DNAJC6: variants seen among roughly 807,000 people sequenced by gnomAD.
The protein encoded by DNAJC6 is DnaJ heat shock protein family (Hsp40) member C6, also known as auxilin.
In DNAJC6, 34 loss-of-function variants were observed where a neutral mutation model predicts 110.0. The observed-to-expected ratio is 0.31, with a 90% CI of 0.24 to 0.41. DNAJC6 has a LOEUF of 0.41. DNAJC6 is among the 10% of genes least tolerant of loss of function. The probability of loss-of-function intolerance (pLI) is 1.00; values close to 1 mark genes in which losing one functional copy is unlikely to be tolerated. For synonymous variants in DNAJC6, 406 were observed against 437.2 expected, an observed-to-expected ratio of 0.93 and a Z score of 0.89; for missense variants, 1,031 against 1,207.8, an observed-to-expected ratio of 0.85 and a Z score of 2.17.
chr1:65,392,735 T>C lies in DNAJC6; in HGVS notation c.1773T>C (p.Ala591=), dbSNP rs533537319. ...ACCTGTTTGGGGGTGGAGGTGCAGC[T>C]GGTCCCACCCAGGCTGGACAGTCAG... ...LSDLFGGGGA[A]GPTQAGQSGV... is the part of the protein sequence containing the mutation. Residue 591 remains alanine (A), a synonymous_variant, in exon 12 of 19, where the codon GCT becomes GCC. Transcript: ENST00000371069. 6.2e-7 allele frequency: 1 copy of C among 1,612,846 alleles called. No homozygotes were observed. The highest frequency in any genetic ancestry group is 1.3e-5 in the African/African-American group (1 of 75,028).
chr1:65,379,639 T>C (rs1025175097), intron 5 of DNAJC6, 115 bp downstream of exon 5: 2 of 1,401,096 alleles, frequency 1.4e-6, no homozygotes, highest in Admixed American at 4.8e-5. Flanking sequence ...TGAGCCCATA[T>C]TTAGGAATTG....
chr1:65,364,541 T>G, intron 1 of DNAJC6, 94 bp from the exon 2 acceptor site: 2 of 1,347,836 alleles, frequency 1.5e-6, no homozygotes, highest in Non-Finnish European at 2.0e-6. Context: ...TTAAAGACAG[T>G]CTGTGTATGT....
intron 15 of DNAJC6, among the ~76,000 whole-genome samples, chr1:65,402,850 C>T (rs966308108): frequency 2.6e-5 from 4 of 152,238 alleles, no homozygotes; most frequent in African/African-American, 9.6e-5. Context: ...TTTTCTTCTC[C>T]ACCTTTCTTT....
At chr1:65,405,811 C>T in intron 15 of DNAJC6, 59 bp from the exon 16 acceptor site, 5 of 1,530,672 alleles carry the variant, frequency 3.3e-6, no homozygotes, top group Non-Finnish European at 4.4e-6. Flanking sequence ...TGTCTTAAGA[C>T]ACAAGAGTTA....
chr1:65,377,674 G>A (rs1645779023), intron 4 of DNAJC6, among the ~76,000 whole-genome samples: 1 of 152,164 alleles, frequency 6.6e-6, no homozygotes, highest in Admixed American at 6.5e-5. Context: ...GGCTTTCTTG[G>A]CAGCCCCAGA....
rs757458350 is a variant in DNAJC6, at chr1:65,385,837, G to A, written c.926G>A (p.Arg309His). 13 of 1,613,878 alleles carry A rather than the reference G, an allele frequency of 8.1e-6. No homozygotes were observed. The highest frequency in any genetic ancestry group is 8.0e-5 in the African/African-American group (6 of 74,894). Reference protein sequence around the residue: ...PFFNKQRNGCRPYCDVLIGET... With the variant: ...PFFNKQRNGCHPYCDVLIGET... ...TTCAACAAACAGAGGAATGGATGTCGCCCTTACTGTGATGTACTCATTGGA... is the reference window on the plus strand; with the variant it reads ...TTCAACAAACAGAGGAATGGATGTCACCCTTACTGTGATGTACTCATTGGA... The change falls in exon 7 of 19, where the codon CGC (arginine) becomes CAC (histidine). Residue 309 changes from arginine to histidine, a missense_variant. By Grantham distance (29) the Arg-to-His change is conservative (BLOSUM62 0). Transcript: ENST00000371069.
At chr1:65,297,542 A>G (rs955968882) in intron 1 of DNAJC6, among the ~76,000 whole-genome samples, 1 of 152,222 alleles carries the variant, frequency 6.6e-6, no homozygotes, top group African/African-American at 2.4e-5. Context: ...CAGTGAGAAA[A>G]TTATGACAGT....
At chr1:65,282,429 C>G (rs373215697) in intron 1 of DNAJC6, among the ~76,000 whole-genome samples, 43 of 152,296 alleles carry the variant, frequency 2.8e-4, no homozygotes, top group African/African-American at 9.9e-4. Flanking sequence ...GCCCTTCCCC[C>G]TTAAAGCTAA....
rs1429853342 is a variant in DNAJC6, at chr1:65,319,204, T to G, written c.193+9266T>G. 1.3e-5 allele frequency among the ~76,000 whole-genome samples: 2 copies of G among 152,234 alleles called. 1 individual carries two copies. Among genetic ancestry groups the G allele is most frequent in the South Asian group, 4.1e-4 (2 of 4,836 alleles). ...GCCAGAAGTGGAAAATGTGATCAAC[T>G]GTTTTTCTCTGCTGCAAGTTCACCA... On this transcript the variant is annotated intron_variant, in intron 1 of 18. Coordinates refer to ENST00000371069, the MANE Select transcript of DNAJC6 (RefSeq NM_001256864.2).
chr1:65,382,924 T>C (rs535736167), intron 5 of DNAJC6, among the ~76,000 whole-genome samples: 2 of 152,324 alleles, frequency 1.3e-5, no homozygotes, highest in Non-Finnish European at 2.9e-5. Flanking sequence ...GGATTGAGTT[T>C]GTTTTAAAAG....
intron 4 of DNAJC6, among the ~76,000 whole-genome samples, chr1:65,368,721 T>TCTTCTTCTC (rs1645675793): frequency 9.1e-6 from 1 of 110,368 alleles, no homozygotes; most frequent in Non-Finnish European, 1.7e-5. Context: ...TTCTTCCTCT[T>TCTTCTTCTC]CTTCTTCTTC....
At chr1:65,370,479 A>G (rs1355901901) in intron 4 of DNAJC6, among the ~76,000 whole-genome samples, 1 of 152,214 alleles carries the variant, frequency 6.6e-6, no homozygotes, top group Non-Finnish European at 1.5e-5. Context: ...GCCCCAGAAT[A>G]TCAGGAACCT....
intron 1 of DNAJC6, chr1:65,279,137 CTT>C (rs1166492361): frequency 7.1e-6 from 7 of 985,432 alleles, no homozygotes; most frequent in African/African-American, 7.0e-5. Context: ...GTTTGATCCT[CTT>C]TTAAAGCCAT....
At chr1:65,395,067 A>G in intron 13 of DNAJC6, 35 bp downstream of exon 13, 1 of 1,549,118 alleles carries the variant, frequency 6.5e-7, no homozygotes, top group Non-Finnish European at 8.7e-7. Flanking sequence ...TCAGTGGAAC[A>G]TAGTTTTCTG....
chr1:65,414,998 A>G lies in DNAJC6; in HGVS notation c.*1973A>G, dbSNP rs1646158591. ...CATCATTAAACATTATGTAATTACAATGAGAAAGAATCTTACTTAAATTTG... is the reference window on the plus strand; with the variant it reads ...CATCATTAAACATTATGTAATTACAGTGAGAAAGAATCTTACTTAAATTTG... On this transcript the variant is annotated 3_prime_UTR_variant, in exon 19 of 19. Transcript: ENST00000371069. The G allele has an allele frequency of 6.6e-6, 1 of 152,364 alleles. No individual in the cohort carries two copies. Among genetic ancestry groups the G allele is most frequent in the Non-Finnish European group, 1.5e-5 (1 of 68,040 alleles). 9.4% of individuals were successfully genotyped at this position (152,364 alleles called of 1,614,324 possible).
At position 65,413,007 on chromosome 1, in the gene DNAJC6, C is replaced by G. The variant is rs1646142701; in HGVS notation, c.2895C>G (p.Gly965=). 1 of 1,613,846 alleles carries G rather than the reference C, an allele frequency of 6.2e-7. No homozygotes were observed. Residue 965 remains glycine, a synonymous_variant, in exon 19 of 19, where the codon GGC becomes GGG. Coordinates refer to ENST00000371069, the MANE Select transcript of DNAJC6 (RefSeq NM_001256864.2). ...NDAWSEFENQ[G]QKPLY ...CCTGGTCTGAATTTGAAAACCAAGG[C>G]CAAAAGCCCTTATATTAATTTATGA...
chr1:65,303,237 G>A (rs1232755287), intron 1 of DNAJC6, among the ~76,000 whole-genome samples: 1 of 152,172 alleles, frequency 6.6e-6, no homozygotes, highest in East Asian at 1.9e-4. Context: ...CAGGCACTGT[G>A]CTAGACCTCA....
chr1:65,387,716 T>A (rs1317483569), intron 8 of DNAJC6, among the ~76,000 whole-genome samples: 1 of 152,232 alleles, frequency 6.6e-6, no homozygotes, highest in Non-Finnish European at 1.5e-5. Context: ...CATCAGTTGG[T>A]GAACATTTGG....
At chr1:65,408,495 A>G (rs1646097767) in intron 16 of DNAJC6, 146 bp from the exon 17 acceptor site, 1 of 841,940 alleles carries the variant, frequency 1.2e-6, no homozygotes. Flanking sequence ...ACAGTCTCTT[A>G]CCCTACTCAC....
Sources: allele counts gnomAD v4.1 joint callset (sites outside exome capture counted in the v4.1 genomes callset), GRCh38; gene constraint gnomAD v4.1.1; transcripts MANE v1.5; gene names NCBI Gene and HGNC (gene_info 2026-07-23, HGNC 2026-07-21).